RPTOR: variants seen among roughly 807,000 people sequenced by gnomAD.
The protein encoded by RPTOR is regulatory-associated protein of mTOR.
A neutral mutation model predicts 169.9 loss-of-function variants in RPTOR; 21 were observed. The ratio of observed to expected loss-of-function variants is 0.12; its 90% CI spans 0.09 to 0.18. The LOEUF (loss-of-function observed/expected upper bound fraction) is 0.18, where lower values mean the gene tolerates loss of function less well. Among genes scored for constraint, RPTOR ranks in the 10% least tolerant of loss-of-function variants. RPTOR has a pLI of 1.00. For missense variants in RPTOR, 1,133 were observed against 1,855.9 expected, an observed-to-expected ratio of 0.61 and a Z score of 7.16; for synonymous variants, 732 against 753.2, an observed-to-expected ratio of 0.97 and a Z score of 0.46.
chr17:80,602,831 G>A (rs569169439), intron 1 of RPTOR: 81 of 617,844 alleles, frequency 1.3e-4, no homozygotes, highest in Admixed American at 2.8e-4. Flanking sequence ...CTCCGTGGAC[G>A]CGCTGGTGAA....
At chr17:80,691,454 G>A (rs2065990652) in intron 3 of RPTOR, among the ~76,000 whole-genome samples, 1 of 152,072 alleles carries the variant, frequency 6.6e-6, no homozygotes, top group African/African-American at 2.4e-5. Context: ...ATGTGTGTGT[G>A]TGCACGCATG....
intron 5 of RPTOR, chr17:80,743,141 C>T (rs1330655760): frequency 8.9e-6 from 7 of 782,158 alleles, no homozygotes; most frequent in Non-Finnish European, 1.1e-5. Flanking sequence ...CCAGCTTTCC[C>T]TCTCCTCCTT....
At chr17:80,890,886 C>T (rs2068313862) in intron 17 of RPTOR, among the ~76,000 whole-genome samples, 1 of 152,124 alleles carries the variant, frequency 6.6e-6, no homozygotes, top group South Asian at 2.1e-4. Flanking sequence ...CATCCAGAGC[C>T]TGCTCATCCA....
intron 3 of RPTOR, among the ~76,000 whole-genome samples, chr17:80,674,818 A>AAAAAAC (rs2065850337): frequency 8.6e-6 from 1 of 115,968 alleles, no homozygotes; most frequent in African/African-American, 3.1e-5. Context: ...AAAAAAAAAA[A>AAAAAAC]AAAAAAACAA....
chr17:80,938,492 C>G (rs2068982514), intron 24 of RPTOR, among the ~76,000 whole-genome samples: 1 of 152,162 alleles, frequency 6.6e-6, no homozygotes, highest in African/African-American at 2.4e-5. Context: ...TATTACTGTT[C>G]TATGTTATTT....
intron 7 of RPTOR, among the ~76,000 whole-genome samples, chr17:80,792,276 T>A (rs28378121): frequency 0.041 from 6,253 of 152,258 alleles, 445 homozygotes; most frequent in African/African-American, 0.14. Flanking sequence ...TTCTACATCT[T>A]AATATACAAA....
intron 1 of RPTOR, among the ~76,000 whole-genome samples, chr17:80,567,348 C>T (rs1053669798): frequency 6.6e-6 from 1 of 151,610 alleles, no homozygotes; most frequent in African/African-American, 2.4e-5. Context: ...TAAGTTATCA[C>T]AGTGTACCTT....
At chr17:80,896,387 G>GCTGACACCCCACGCGGCCTCA (rs1567974547) in intron 20 of RPTOR, among the ~76,000 whole-genome samples, 1 of 129,234 alleles carries the variant, frequency 7.7e-6, no homozygotes, top group African/African-American at 3.1e-5. Flanking sequence ...ACGCGGCCTC[G>GCTGACACCCCACGCGGCCTCA]CTGACACCCC....
chr17:80,806,806 C>T (rs2067222911), intron 7 of RPTOR, among the ~76,000 whole-genome samples: 1 of 151,928 alleles, frequency 6.6e-6, no homozygotes, highest in Non-Finnish European at 1.5e-5. Context: ...TTGATTTTTT[C>T]TTTTTTTTAA....
At chr17:80,642,023 G>C (rs2065558069) in intron 2 of RPTOR, among the ~76,000 whole-genome samples, 1 of 152,198 alleles carries the variant, frequency 6.6e-6, no homozygotes. Flanking sequence ...TCACATTAAG[G>C]AAAACAACTG....
At position 80,860,708 on chromosome 17, in the gene RPTOR, G is replaced by C. The variant is rs1020837636; in HGVS notation, c.1509+2808G>C. Among the ~76,000 whole-genome samples the C allele has an allele frequency of 1.3e-5, 2 of 152,008 alleles. No homozygotes were observed. The highest frequency in any genetic ancestry group is 4.8e-5 in the African/African-American group (2 of 41,354). ...TCTTGTAGATTCCCTGGGATTTTCTGCTAGTTCACTGGTTCTTGTAGATTC... is the reference window on the plus strand; with the variant it reads ...TCTTGTAGATTCCCTGGGATTTTCTCCTAGTTCACTGGTTCTTGTAGATTC... On this transcript the variant is annotated intron_variant, in intron 13 of 33. Transcript: ENST00000306801. This position sits in a 1 kb window ranked among gnomAD's most constrained non-coding sequence, Gnocchi z 5.8.
chr17:80,581,319 T>C (rs2065011139), intron 1 of RPTOR, among the ~76,000 whole-genome samples: 1 of 152,234 alleles, frequency 6.6e-6, no homozygotes, highest in South Asian at 2.1e-4. Flanking sequence ...CCTTTATTTG[T>C]CCCATCAATT....
intron 4 of RPTOR, among the ~76,000 whole-genome samples, chr17:80,713,379 C>T (rs749652949): frequency 1.3e-5 from 2 of 152,194 alleles, no homozygotes; most frequent in Non-Finnish European, 2.9e-5. Context: ...ATGTGTTTCG[C>T]AAATATGTCC....
chr17:80,825,808 C>T (rs1567933266), intron 9 of RPTOR, among the ~76,000 whole-genome samples: 1 of 152,214 alleles, frequency 6.6e-6, no homozygotes, highest in Non-Finnish European at 1.5e-5. Context: ...AGTGATCCAG[C>T]CCGCATGGTC....
chr17:80,658,147 TTTTAA>T (rs1313633647), intron 3 of RPTOR, among the ~76,000 whole-genome samples: 14 of 152,214 alleles, frequency 9.2e-5, no homozygotes, highest in Non-Finnish European at 1.6e-4. Context: ...TCTATGTGGA[TTTTAA>T]ACCCCACAGT....
intron 9 of RPTOR, among the ~76,000 whole-genome samples, chr17:80,824,108 C>A (rs2067413281): frequency 1.3e-5 from 2 of 152,208 alleles, no homozygotes; most frequent in Non-Finnish European, 2.9e-5. Flanking sequence ...GGAATCTAAA[C>A]TCACTACCCA....
intron 11 of RPTOR, among the ~76,000 whole-genome samples, chr17:80,854,016 G>C (rs2067825412): frequency 6.6e-6 from 1 of 151,358 alleles, no homozygotes; most frequent in African/African-American, 2.4e-5. Context: ...TAATATAACA[G>C]AAAAAGTATG....
chr17:80,627,814 CAT>C (rs2065407377), intron 2 of RPTOR, among the ~76,000 whole-genome samples: 2 of 151,410 alleles, frequency 1.3e-5, no homozygotes, highest in Admixed American at 1.3e-4. Context: ...ATTATTAGCT[CAT>C]ATGTTAAGCG....
At chr17:80,822,560 C>T (rs1391422050) in intron 8 of RPTOR, among the ~76,000 whole-genome samples, 1 of 152,258 alleles carries the variant, frequency 6.6e-6, no homozygotes. Context: ...ACAGCCCTTA[C>T]TGCGCACCGG....
Sources: gnomAD v4.1 joint callset for allele counts (sites outside exome capture counted in the v4.1 genomes callset) on GRCh38, gnomAD v4.1.1 for gene constraint, Gnocchi (gnomAD v3.1) non-coding constraint, MANE v1.5 for transcripts, NCBI Gene and HGNC (gene_info 2026-07-23, HGNC 2026-07-21) for gene names.